Variants in CNTN6 observed in about 807,000 individuals in gnomAD.
The protein encoded by CNTN6 is contactin 6, also known as contactin-6.
In CNTN6, 137 loss-of-function variants were observed where a neutral mutation model predicts 122.8. The observed-to-expected ratio is 1.12, with a 90% confidence interval of 0.97 to 1.29. The LOEUF is 1.29. Ranked by LOEUF, CNTN6 falls within the 50% of genes most tolerant of loss-of-function variation. CNTN6 has a pLI of 0.00. For synonymous variants in CNTN6, 570 were observed against 426.0 expected (o/e 1.34, Z -4.16); for missense variants, 1,634 against 1,223.4 (o/e 1.34, Z -5.01).
intron 16 of CNTN6, 50 bp downstream of exon 16, chr3:1,374,123 T>A (rs1709522055): frequency 6.6e-7 from 1 of 1,524,120 alleles, no homozygotes; most frequent in Admixed American, 1.9e-5. Context: ...TATGATACAG[T>A]TCTTAAAACA....
At chr3:1,368,452 C>T (rs999931264) in intron 12 of CNTN6, among the ~76,000 whole-genome samples, 1 of 152,168 alleles carries the variant, frequency 6.6e-6, no homozygotes, top group African/African-American at 2.4e-5. Context: ...TCAGAAACTT[C>T]TGAATGTTAC....
intron 4 of CNTN6, among the ~76,000 whole-genome samples, chr3:1,277,361 T>C (rs770063020): frequency 0.16 from 19,773 of 126,820 alleles, 1,952 homozygotes; most frequent in South Asian, 0.37. Context: ...TTTTTTTTTT[T>C]TTTTTTTTTT....
intron 12 of CNTN6, among the ~76,000 whole-genome samples, chr3:1,356,379 C>T (rs1706560091): frequency 6.6e-6 from 1 of 151,730 alleles, no homozygotes; most frequent in Admixed American, 6.6e-5. Flanking sequence ...TATTGCTGCT[C>T]ATTTAGTTGT....
intron 2 of CNTN6, among the ~76,000 whole-genome samples, chr3:1,186,693 C>T (rs147670751): frequency 1.1e-3 from 160 of 152,230 alleles, no homozygotes; most frequent in African/African-American, 3.4e-3. Flanking sequence ...TGGGGAGGAG[C>T]GCTGCTTGGT....
At chr3:1,231,132 A>G (rs2094347718) in intron 4 of CNTN6, among the ~76,000 whole-genome samples, 2 of 152,218 alleles carry the variant, frequency 1.3e-5, no homozygotes, top group African/African-American at 4.8e-5. Flanking sequence ...GGATATCCTC[A>G]ATAAATCATA....
chr3:1,390,522 C>T (rs1279764567), intron 20 of CNTN6, among the ~76,000 whole-genome samples: 1 of 151,960 alleles, frequency 6.6e-6, no homozygotes, highest in Non-Finnish European at 1.5e-5. Context: ...AGAGCAAACA[C>T]ATTCAAAAGC....
intron 1 of CNTN6, among the ~76,000 whole-genome samples, chr3:1,137,215 T>TGA (rs1410516382): frequency 1.3e-5 from 2 of 152,108 alleles, no homozygotes; most frequent in Non-Finnish European, 2.9e-5. Flanking sequence ...GAACTAGGTG[T>TGA]GAGACAATAG....
intron 7 of CNTN6, among the ~76,000 whole-genome samples, chr3:1,319,622 G>T (rs1047780986): frequency 1.3e-5 from 2 of 151,604 alleles, no homozygotes; most frequent in East Asian, 3.9e-4. Flanking sequence ...GAATGTTTTA[G>T]ATTAAAAGCC....
intron 13 of CNTN6, among the ~76,000 whole-genome samples, 166 bp downstream of exon 13, chr3:1,372,640 G>A (rs888174153): frequency 2.0e-5 from 3 of 151,952 alleles, no homozygotes; most frequent in African/African-American, 2.4e-5. Flanking sequence ...CGTGTCTTCC[G>A]TAGAAATACT....
chr3:1,315,605 T>A (rs1699987783), intron 7 of CNTN6, among the ~76,000 whole-genome samples: 1 of 152,004 alleles, frequency 6.6e-6, no homozygotes, highest in Non-Finnish European at 1.5e-5. Flanking sequence ...AGTTAATGAT[T>A]ATTAATATTA....
intron 2 of CNTN6, among the ~76,000 whole-genome samples, chr3:1,202,541 AAAAAATAAATAAATAAATAAATAAAT>A (rs766660554): frequency 3.1e-5 from 3 of 97,906 alleles, no homozygotes; most frequent in Non-Finnish European, 5.6e-5. Flanking sequence ...ACTCCGTCTC[AAAAAATAAATAAATAAATAAATAAAT>A]AAATAAATAA....
At chr3:1,240,626 A>G (rs1402007565) in intron 4 of CNTN6, among the ~76,000 whole-genome samples, 1 of 152,102 alleles carries the variant, frequency 6.6e-6, no homozygotes, top group East Asian at 1.9e-4. Context: ...AGATTCCTTA[A>G]AGGACTAAAA....
intron 4 of CNTN6, among the ~76,000 whole-genome samples, chr3:1,250,130 T>C (rs559870401): frequency 8.5e-5 from 13 of 152,312 alleles, no homozygotes; most frequent in African/African-American, 3.1e-4. Context: ...TTAAAATTAA[T>C]AAAAGCTTAT....
intron 5 of CNTN6, among the ~76,000 whole-genome samples, chr3:1,289,560 C>A (rs1694926193): frequency 6.6e-6 from 1 of 152,204 alleles, no homozygotes; most frequent in Non-Finnish European, 1.5e-5. Flanking sequence ...TCCAACACAC[C>A]ACTCAAACGC....
At position 1,158,955 on chromosome 3, in the gene CNTN6, C is replaced by T. The variant is rs995125977; in HGVS notation, c.55+10892C>T. ...ATACACACACACATATATATATATA[C>T]ACACACACACACACATATATATATA... On this transcript the variant is annotated intron_variant, in intron 2 of 22. Transcript: ENST00000446702. Among the ~76,000 whole-genome samples the T allele has an allele frequency of 4.3e-4, 45 of 103,790 alleles. 4 individuals carry two copies. The highest frequency in any genetic ancestry group is 8.3e-4 in the Admixed American group (8 of 9,658). 68.1% of individuals were successfully genotyped at this position (103,790 alleles called of 152,430 possible). A position where few individuals can be genotyped will look rare whatever the true frequency, so the allele number is the denominator to read the frequency against.
intron 2 of CNTN6, among the ~76,000 whole-genome samples, chr3:1,149,731 G>A (rs1368733319): frequency 6.6e-6 from 1 of 151,962 alleles, no homozygotes; most frequent in Non-Finnish European, 1.5e-5. Flanking sequence ...AACTCATCAA[G>A]GTGCCCCCAA....
intron 11 of CNTN6, among the ~76,000 whole-genome samples, chr3:1,350,631 C>T (rs1705476717): frequency 6.6e-6 from 1 of 151,816 alleles, no homozygotes; most frequent in Admixed American, 6.6e-5. Context: ...CCACTGCACA[C>T]TTGAATTATT....
intron 1 of CNTN6, among the ~76,000 whole-genome samples, chr3:1,134,505 A>G (rs2092422480): frequency 6.6e-6 from 1 of 152,114 alleles, no homozygotes; most frequent in Non-Finnish European, 1.5e-5. Flanking sequence ...CACTGCTAGT[A>G]GCCCGTGATA....
intron 8 of CNTN6, among the ~76,000 whole-genome samples, chr3:1,322,171 GATTCTA>G (rs1336133038): frequency 2.6e-5 from 4 of 151,606 alleles, no homozygotes; most frequent in Non-Finnish European, 4.4e-5. Flanking sequence ...TAGCAATCTT[GATTCTA>G]ATTCTAAGTA....
Sources: allele counts gnomAD v4.1 joint callset (sites outside exome capture counted in the v4.1 genomes callset), GRCh38; gene constraint gnomAD v4.1.1; transcripts MANE v1.5; gene names NCBI Gene and HGNC (gene_info 2026-07-23, HGNC 2026-07-21).